The following SLC25A26 variants were observed in gnomAD, a reference collection of about 807,000 sequenced individuals.
SLC25A26 encodes mitochondrial S-adenosylmethionine carrier protein.
Under a neutral mutation model 37.8 loss-of-function variants are expected in SLC25A26, and 36 were observed. That is an observed-to-expected ratio of 0.95 (90% CI 0.73 to 1.26). The LOEUF (loss-of-function observed/expected upper bound fraction) is 1.26. Among genes scored for constraint, SLC25A26 ranks in the 50% most tolerant of loss-of-function variants. The pLI, the probability that SLC25A26 is intolerant of heterozygous loss-of-function variation, is 0.00. For synonymous variants in SLC25A26, 129 were observed against 122.5 expected, an observed-to-expected ratio of 1.05 and a Z score of -0.35; for missense variants, 390 against 331.1, an observed-to-expected ratio of 1.18 and a Z score of -1.38.
At chr3:66,345,162 A>G (rs2076290430) in intron 5 of SLC25A26, among the ~76,000 whole-genome samples, 1 of 152,036 alleles carries the variant, frequency 6.6e-6, no homozygotes, top group African/African-American at 2.4e-5. Flanking sequence ...CTTCATTACT[A>G]CGCATGACTC....
At chr3:66,286,102 C>T (rs2074504523) in intron 5 of SLC25A26, among the ~76,000 whole-genome samples, 1 of 152,142 alleles carries the variant, frequency 6.6e-6, no homozygotes, top group African/African-American at 2.4e-5. Context: ...ATTTGGAATG[C>T]TCATCCTTTG....
chr3:66,236,397 G>A (rs1206891439), intron 1 of SLC25A26, 147 bp from the exon 2 acceptor site: 10 of 470,696 alleles, frequency 2.1e-5, no homozygotes, highest in East Asian at 3.3e-5. Context: ...TTAGGCTGAC[G>A]GTCCTTTGTG....
At chr3:66,318,983 C>A (rs2075618296) in intron 5 of SLC25A26, among the ~76,000 whole-genome samples, 1 of 152,172 alleles carries the variant, frequency 6.6e-6, no homozygotes, top group Non-Finnish European at 1.5e-5. Flanking sequence ...ATTTGAGTTA[C>A]ATTGCCCGTA....
At chr3:66,290,750 A>G (rs904648181) in intron 5 of SLC25A26, among the ~76,000 whole-genome samples, 58 of 152,312 alleles carry the variant, frequency 3.8e-4, no homozygotes, top group African/African-American at 1.3e-3. Flanking sequence ...ATTCATGTTC[A>G]TCGGGGTTAT....
At chr3:66,206,905 T>C (rs1458663978) in intron 1 of SLC25A26, among the ~76,000 whole-genome samples, 2 of 150,194 alleles carry the variant, frequency 1.3e-5, no homozygotes, top group East Asian at 1.9e-4. Flanking sequence ...TTTTTTTTTT[T>C]TTTTTTTTTT....
chr3:66,285,128 T>A (rs2074466534), intron 5 of SLC25A26, among the ~76,000 whole-genome samples: 1 of 152,174 alleles, frequency 6.6e-6, no homozygotes, highest in African/African-American at 2.4e-5. Context: ...TCCTTTATAA[T>A]TATCTATTAA....
rs963877619 is a variant in SLC25A26, at chr3:66,146,498, T to C, written c.-354+12514T>C. ...CTAGGTGGTAAGATTCTGCTTTTTTTATATTTTCATATTTTTTCTATATGA... is the reference window on the plus strand; with the variant it reads ...CTAGGTGGTAAGATTCTGCTTTTTTCATATTTTCATATTTTTTCTATATGA... On this transcript the variant is annotated intron_variant, in intron 1 of 10. Transcript: ENST00000676754. 3.3e-5 allele frequency among the ~76,000 whole-genome samples: 5 copies of C among 150,224 alleles called. No individual in the cohort carries two copies. In the South Asian group the frequency reaches 1.1e-3, roughly 32 times the overall value.
chr3:66,171,158 C>A (rs938202058), intron 1 of SLC25A26, among the ~76,000 whole-genome samples: 13 of 152,178 alleles, frequency 8.5e-5, no homozygotes, highest in African/African-American at 1.9e-4. Flanking sequence ...GGCAGCAGAG[C>A]TATCCCCAAC....
At chr3:66,372,710 A>G (rs756894996) in intron 9 of SLC25A26, among the ~76,000 whole-genome samples, 3 of 152,186 alleles carry the variant, frequency 2.0e-5, no homozygotes. Flanking sequence ...ATGATTAAAG[A>G]CAATAAATAA....
At chr3:66,161,161 TAAA>T (rs367585131) in intron 1 of SLC25A26, among the ~76,000 whole-genome samples, 9 of 140,038 alleles carry the variant, frequency 6.4e-5, no homozygotes, top group Non-Finnish European at 7.9e-5. Context: ...GTTGTTGTTG[TAAA>T]AAAAAAAAAA....
intron 6 of SLC25A26, among the ~76,000 whole-genome samples, chr3:66,349,804 C>G (rs937634557): frequency 3.3e-5 from 5 of 152,090 alleles, no homozygotes; most frequent in African/African-American, 1.2e-4. Flanking sequence ...GTGGCTGTAC[C>G]AGTTTGCATT....
At chr3:66,162,559 C>T (rs2106714755) in intron 1 of SLC25A26, among the ~76,000 whole-genome samples, 1 of 152,224 alleles carries the variant, frequency 6.6e-6, no homozygotes, top group South Asian at 2.1e-4. Context: ...ATGTAGAAAG[C>T]AAGAAGACTT....
chr3:66,312,944 C>T (rs948289961), intron 5 of SLC25A26, among the ~76,000 whole-genome samples: 1 of 152,088 alleles, frequency 6.6e-6, no homozygotes, highest in Non-Finnish European at 1.5e-5. Context: ...TGTTCCTATT[C>T]AGCCATCTTG....
At chr3:66,325,020 C>T (rs1323687058) in intron 5 of SLC25A26, among the ~76,000 whole-genome samples, 1 of 152,068 alleles carries the variant, frequency 6.6e-6, no homozygotes, top group Non-Finnish European at 1.5e-5. Flanking sequence ...TATATACTAT[C>T]TTATTAGGGG....
chr3:66,273,975 CAT>C (rs2074043642), intron 5 of SLC25A26, among the ~76,000 whole-genome samples: 1 of 152,150 alleles, frequency 6.6e-6, no homozygotes, highest in African/African-American at 2.4e-5. Flanking sequence ...AAGCTGGAGG[CAT>C]CACACTACCT....
Position 66,188,126 on chromosome 3 carries a change from C to A in SLC25A26, c.-353-32616C>A, listed in dbSNP as rs1012317698. 1.9e-3 allele frequency among the ~76,000 whole-genome samples: 294 copies of A among 152,198 alleles called. 1 individual carries two copies. The highest frequency in any genetic ancestry group is 0.014 in the Middle Eastern group (4 of 292). On this transcript the variant is annotated intron_variant, in intron 1 of 10. Transcript: ENST00000676754. ...CTGTAATCTTGATACAAACCCTAAC[C>A]TGAACCCTCAAATGTATCATGACCT...
At chr3:66,343,452 T>C (rs1284430062) in intron 5 of SLC25A26, among the ~76,000 whole-genome samples, 2 of 152,248 alleles carry the variant, frequency 1.3e-5, no homozygotes, top group African/African-American at 4.8e-5. Context: ...TGGGGTTTAC[T>C]GTCGCTCCCT....
intron 5 of SLC25A26, among the ~76,000 whole-genome samples, chr3:66,330,199 T>TGGGC (rs1038232420): frequency 1.3e-5 from 2 of 152,172 alleles, no homozygotes; most frequent in African/African-American, 4.8e-5. Flanking sequence ...CCTATACAAC[T>TGGGC]GGGCCTATAT....
intron 1 of SLC25A26, among the ~76,000 whole-genome samples, chr3:66,141,264 A>AT (rs1189518031): frequency 1.3e-5 from 2 of 150,942 alleles, no homozygotes; most frequent in South Asian, 2.1e-4. Context: ...ATTACCAAAT[A>AT]TTTTTTTCTA....
Sources: gnomAD v4.1 joint callset for allele counts (sites outside exome capture counted in the v4.1 genomes callset) on GRCh38, gnomAD v4.1.1 for gene constraint, MANE v1.5 for transcripts, NCBI Gene and HGNC (gene_info 2026-07-23, HGNC 2026-07-21) for gene names.